The following PTPRT variants were observed in gnomAD, a reference collection of about 807,000 sequenced individuals.
PTPRT encodes the protein protein tyrosine phosphatase receptor type T.
A neutral mutation model predicts 176.8 loss-of-function variants in PTPRT; 56 were observed. The ratio of observed to expected loss-of-function variants is 0.32; its 90% CI spans 0.26 to 0.40. The LOEUF is 0.40. PTPRT is among the 10% of genes least tolerant of loss of function. The pLI, the probability that PTPRT is intolerant of heterozygous loss-of-function variation, is 1.00. For synonymous variants in PTPRT, 783 were observed against 739.0 expected, an observed-to-expected ratio of 1.06 and a Z score of -0.96; for missense variants, 1,540 against 1,908.2, an observed-to-expected ratio of 0.81 and a Z score of 3.60.
chr20:42,152,766 C>A lies in PTPRT; in HGVS notation c.2682+8586G>T, dbSNP rs184607093. On this transcript the variant is annotated intron_variant, in intron 17 of 30. Coordinates refer to ENST00000373187, the MANE Select transcript of PTPRT (RefSeq NM_007050.6). Reference sequence around the variant, plus strand: ...TGGCTGACTCCAGACCAGCAACTCTCCTCTAAACTTGCAGCCAGCTATGGT... The same window carrying A: ...TGGCTGACTCCAGACCAGCAACTCTACTCTAAACTTGCAGCCAGCTATGGT... Among the ~76,000 whole-genome samples the A allele has an allele frequency of 2.0e-5, 3 of 152,314 alleles. No homozygotes were observed. The East Asian group carries it at 5.8e-4, about 29-fold the overall frequency.
At chr20:42,559,724 G>A (rs2072919091) in intron 7 of PTPRT, among the ~76,000 whole-genome samples, 1 of 152,178 alleles carries the variant, frequency 6.6e-6, no homozygotes, top group Non-Finnish European at 1.5e-5. Context: ...TATTCTAAAT[G>A]CAAAGAAATG....
At chr20:42,485,503 T>A (rs1371912373) in intron 7 of PTPRT, among the ~76,000 whole-genome samples, 1 of 152,226 alleles carries the variant, frequency 6.6e-6, no homozygotes, top group Non-Finnish European at 1.5e-5. Context: ...TAAGAAGCCA[T>A]GTGTAAATCA....
At chr20:43,186,793 C>T (rs2015405313) in intron 1 of PTPRT, among the ~76,000 whole-genome samples, 1 of 152,200 alleles carries the variant, frequency 6.6e-6, no homozygotes, top group South Asian at 2.1e-4. Context: ...GACTGTACTG[C>T]TAACAGTTCC....
intron 1 of PTPRT, among the ~76,000 whole-genome samples, chr20:43,160,811 T>C (rs2014672864): frequency 6.6e-6 from 1 of 152,108 alleles, no homozygotes; most frequent in Non-Finnish European, 1.5e-5. Flanking sequence ...TAAGGGACTT[T>C]AAGATATTGG....
chr20:42,585,718 T>G (rs528335424), intron 7 of PTPRT, among the ~76,000 whole-genome samples: 1 of 152,276 alleles, frequency 6.6e-6, no homozygotes, highest in Non-Finnish European at 1.5e-5. Flanking sequence ...GTACAAGATT[T>G]TATATAAATT....
intron 7 of PTPRT, among the ~76,000 whole-genome samples, chr20:42,544,141 A>G (rs1394203925): frequency 6.6e-6 from 1 of 152,218 alleles, no homozygotes; most frequent in Non-Finnish European, 1.5e-5. Flanking sequence ...CTTTGAAGCC[A>G]GACATTTGTT....
At chr20:42,892,417 A>C (rs1241669625) in intron 1 of PTPRT, among the ~76,000 whole-genome samples, 1 of 152,180 alleles carries the variant, frequency 6.6e-6, no homozygotes, top group Non-Finnish European at 1.5e-5. Flanking sequence ...GTGTGTTCAC[A>C]GAATCTGGTC....
intron 7 of PTPRT, among the ~76,000 whole-genome samples, chr20:42,537,346 A>G (rs933227649): frequency 2.0e-4 from 31 of 152,226 alleles, no homozygotes; most frequent in African/African-American, 7.5e-4. Flanking sequence ...GTACACTTAT[A>G]AAGGTAAAAT....
intron 23 of PTPRT, among the ~76,000 whole-genome samples, chr20:42,108,008 A>G (rs183986470): frequency 2.0e-5 from 3 of 151,754 alleles, no homozygotes; most frequent in East Asian, 1.9e-4. Flanking sequence ...CGGGGACTCA[A>G]GAGACTTGGC....
intron 13 of PTPRT, among the ~76,000 whole-genome samples, chr20:42,259,061 C>T (rs1328425345): frequency 1.3e-5 from 2 of 152,224 alleles, no homozygotes; most frequent in East Asian, 1.9e-4. Context: ...GAGGTTAGCA[C>T]CCTGTGAGAC....
intron 15 of PTPRT, among the ~76,000 whole-genome samples, chr20:42,234,949 C>T (rs2146852478): frequency 6.6e-6 from 1 of 152,308 alleles, no homozygotes; most frequent in Admixed American, 6.5e-5. Context: ...GGCACAGCCT[C>T]TCTCATAAAG....
intron 16 of PTPRT, among the ~76,000 whole-genome samples, chr20:42,179,703 T>C (rs1990435969): frequency 6.6e-6 from 1 of 152,146 alleles, no homozygotes; most frequent in African/African-American, 2.4e-5. Flanking sequence ...CAGAAAACAA[T>C]GACAGAAGTG....
At chr20:43,103,004 T>G (rs2012456219) in intron 1 of PTPRT, among the ~76,000 whole-genome samples, 2 of 151,708 alleles carry the variant, frequency 1.3e-5, no homozygotes. Context: ...GGGAAAGAGA[T>G]GAGATTAAGT....
intron 9 of PTPRT, among the ~76,000 whole-genome samples, chr20:42,438,019 C>G (rs2059278006): frequency 6.6e-6 from 1 of 152,156 alleles, no homozygotes; most frequent in South Asian, 2.1e-4. Context: ...TAAGTGCTGC[C>G]TCTGGGCACA....
intron 6 of PTPRT, among the ~76,000 whole-genome samples, chr20:42,730,996 T>C (rs2076452178): frequency 6.6e-6 from 1 of 152,150 alleles, no homozygotes. Context: ...AATCTCTGTC[T>C]CAGATTTTGT....
intron 9 of PTPRT, among the ~76,000 whole-genome samples, chr20:42,412,987 T>A (rs1015644681): frequency 1.3e-5 from 2 of 152,210 alleles, no homozygotes; most frequent in Non-Finnish European, 2.9e-5. Flanking sequence ...ACTATACATT[T>A]ATCAAAATTC....
chr20:42,536,472 C>T (rs923519002), intron 7 of PTPRT, among the ~76,000 whole-genome samples: 3 of 152,156 alleles, frequency 2.0e-5, no homozygotes, highest in Non-Finnish European at 4.4e-5. Flanking sequence ...CCTAATACTT[C>T]TTTACTCTAC....
chr20:42,398,146 A>C (rs1399995968), intron 9 of PTPRT, among the ~76,000 whole-genome samples: 2 of 151,954 alleles, frequency 1.3e-5, no homozygotes, highest in African/African-American at 2.4e-5. Context: ...TCTGTTCCAC[A>C]AAAAAAATTG....
intron 6 of PTPRT, among the ~76,000 whole-genome samples, chr20:42,739,170 G>T (rs114791197): frequency 6.6e-6 from 1 of 152,154 alleles, no homozygotes; most frequent in Non-Finnish European, 1.5e-5. Flanking sequence ...GTGCAGGCTC[G>T]ACCCCTGCAC....
Sources: allele counts gnomAD v4.1 joint callset (sites outside exome capture counted in the v4.1 genomes callset), GRCh38; gene constraint gnomAD v4.1.1; transcripts MANE v1.5; gene names NCBI Gene and HGNC (gene_info 2026-07-23, HGNC 2026-07-21).